Variants in DAPK2 observed in about 807,000 individuals in gnomAD.
The protein encoded by DAPK2 is death-associated protein kinase 2.
A neutral mutation model predicts 44.1 loss-of-function variants in DAPK2; 35 were observed. The observed-to-expected ratio is 0.79, with a 90% confidence interval of 0.61 to 1.05. DAPK2 has a LOEUF of 1.05. DAPK2 is among the 50% of genes least tolerant of loss of function. The probability of loss-of-function intolerance (pLI) is 0.00; values close to 1 mark genes in which losing one functional copy is unlikely to be tolerated. For synonymous variants in DAPK2, 174 were observed against 182.6 expected (o/e 0.95, Z 0.38); for missense variants, 453 against 483.2 (o/e 0.94, Z 0.59).
At chr15:63,926,238 C>G (rs890662963) in intron 6 of DAPK2, 145 bp from the exon 8 acceptor site, 2 of 792,744 alleles carry the variant, frequency 2.5e-6, no homozygotes, top group Non-Finnish European at 4.0e-6. Flanking sequence ...GGCAGCCAAC[C>G]AGCAGCCTGT....
intron 1 of DAPK2, among the ~76,000 whole-genome samples, chr15:64,011,326 G>A (rs2015474): frequency 2.6e-5 from 4 of 152,160 alleles, no homozygotes; most frequent in African/African-American, 4.8e-5. Flanking sequence ...TTAGGAGGCC[G>A]AGGTGGGTGG....
Position 63,908,533 on chromosome 15 carries a change from C to T in DAPK2, c.1100G>A (p.Ser367Asn). Residue 367 changes from serine (S) to asparagine (N), a missense_variant, in exon 11 of 11, where the codon AGC (serine) becomes AAC (asparagine). By Grantham distance (46) the Ser-to-Asn change is conservative (BLOSUM62 1). Coordinates refer to ENST00000261891, the Ensembl canonical transcript of DAPK2. This position sits in a 1 kb window ranked among gnomAD's most constrained non-coding sequence, Gnocchi z 5.7. ...AGGTCAGGCCAGTTAGGAGGTGCTG[C>T]TCCTCCTCCGTGGGTGGAGGGCTTT... The T allele has an allele frequency of 1.3e-6, 2 of 1,596,896 alleles. No homozygotes were observed. Among genetic ancestry groups the T allele is most frequent in the Non-Finnish European group, 1.7e-6 (2 of 1,172,998 alleles).
Position 63,912,981 on chromosome 15 carries a change from C to T in DAPK2, c.859-784G>A, listed in dbSNP as rs2078836365. ...TCAGGGGTTCTGTGAACAAAATGTG[C>T]CTATATATCCATACAAAGGAATATT... On this transcript the variant is annotated intron_variant, in intron 8 of 10. Coordinates refer to ENST00000261891, the Ensembl canonical transcript of DAPK2. The surrounding 1 kb of genome is among the most constrained non-coding windows in gnomAD (Gnocchi z 4.4). Among the ~76,000 whole-genome samples the T allele has an allele frequency of 6.6e-6, 1 of 152,060 alleles. No homozygotes were observed. The highest frequency in any genetic ancestry group is 2.4e-5 in the African/African-American group (1 of 41,394).
chr15:64,015,776 T>G (rs375618534), intron 1 of DAPK2, among the ~76,000 whole-genome samples: 39 of 152,092 alleles, frequency 2.6e-4, no homozygotes, highest in African/African-American at 7.7e-4. Context: ...ATTGGAGTGA[T>G]GTGTCTACAA....
chr15:63,920,099 A>T (rs934587037), intron 8 of DAPK2: 3 of 152,218 alleles, frequency 2.0e-5, no homozygotes, highest in African/African-American at 7.2e-5. Context: ...GGCATCTCCC[A>T]GATGATGGTA....
In DAPK2 at chr15:63,995,104, C is replaced by A. The variant is rs545630802; in HGVS notation, c.93-11350G>T. Among the ~76,000 whole-genome samples, 4 of 152,212 alleles carry A rather than the reference C, an allele frequency of 2.6e-5. No homozygotes were observed. The East Asian group carries it at 7.7e-4, about 29-fold the overall frequency. ...AATTCTCAATTTTGGACATTTATATCATTTTCAATTTTTAATATTATGATA... is the reference window on the plus strand; with the variant it reads ...AATTCTCAATTTTGGACATTTATATAATTTTCAATTTTTAATATTATGATA... On this transcript the variant is annotated intron_variant, in intron 1 of 10. Coordinates refer to ENST00000261891, the Ensembl canonical transcript of DAPK2.
intron 1 of DAPK2, among the ~76,000 whole-genome samples, chr15:64,033,780 C>T (rs866801431): frequency 4.6e-5 from 7 of 151,864 alleles, no homozygotes; most frequent in African/African-American, 1.7e-4. Context: ...TGGTGGCGGG[C>T]GCTTATAGTC....
intron 1 of DAPK2, among the ~76,000 whole-genome samples, chr15:64,017,183 C>A (rs1487305844): frequency 6.6e-6 from 1 of 152,106 alleles, no homozygotes; most frequent in East Asian, 1.9e-4. Flanking sequence ...ACCTCAGTCC[C>A]CTAGGTACCT....
chr15:63,910,154 TG>T (rs1196636461), intron 10 of DAPK2, among the ~76,000 whole-genome samples: 13 of 152,108 alleles, frequency 8.5e-5, no homozygotes, highest in Non-Finnish European at 1.3e-4. Context: ...AGCGGTCCAG[TG>T]CCCTGCATAG....
At chr15:64,024,148 C>G (rs1006553469) in intron 1 of DAPK2, among the ~76,000 whole-genome samples, 5 of 152,178 alleles carry the variant, frequency 3.3e-5, no homozygotes, top group Admixed American at 2.0e-4. Context: ...CCATTTCCTT[C>G]TCTGTGCAGC....
intron 3 of DAPK2, among the ~76,000 whole-genome samples, chr15:63,956,305 T>C (rs2077721396): frequency 6.6e-6 from 1 of 152,170 alleles, no homozygotes; most frequent in South Asian, 2.1e-4. Context: ...TCTGTTCTGA[T>C]CTTTATTATT....
intron 2 of DAPK2, among the ~76,000 whole-genome samples, chr15:63,974,601 G>A (rs1320025878): frequency 6.6e-6 from 1 of 152,170 alleles, no homozygotes; most frequent in Non-Finnish European, 1.5e-5. Context: ...TGTAGATGAA[G>A]TCTCACAGGT....
At chr15:63,927,621 C>A (rs1290095020) in intron 6 of DAPK2, among the ~76,000 whole-genome samples, 1 of 152,200 alleles carries the variant, frequency 6.6e-6, no homozygotes, top group African/African-American at 2.4e-5. Flanking sequence ...GCAGGGAAGA[C>A]CCTCCTTCAT....
chr15:63,983,575 T>A, exon 2 of DAPK2: 1 of 1,614,172 alleles, frequency 6.2e-7, no homozygotes, highest in Non-Finnish European at 8.5e-7. Flanking sequence ...CTCATAGACG[T>A]CGTGCAGCGT....
At chr15:64,032,901 C>A (rs1217243345) in intron 1 of DAPK2, among the ~76,000 whole-genome samples, 3 of 151,848 alleles carry the variant, frequency 2.0e-5, no homozygotes, top group African/African-American at 7.3e-5. Context: ...GCCTGGCCAA[C>A]ATAGTGAAAC....
At chr15:63,968,741 T>C (rs1261002974) in intron 3 of DAPK2, among the ~76,000 whole-genome samples, 1 of 152,226 alleles carries the variant, frequency 6.6e-6, no homozygotes, top group Non-Finnish European at 1.5e-5. Context: ...TGGTACATGG[T>C]AACTCAGCCT....
At chr15:64,001,238 C>T (rs1197880099) in intron 1 of DAPK2, among the ~76,000 whole-genome samples, 1 of 151,588 alleles carries the variant, frequency 6.6e-6, no homozygotes, top group Non-Finnish European at 1.5e-5. Context: ...CTAGTCTGCA[C>T]TGGATTCTGC....
intron 1 of DAPK2, among the ~76,000 whole-genome samples, chr15:64,039,086 T>C (rs2080287967): frequency 6.6e-6 from 1 of 152,254 alleles, no homozygotes; most frequent in Non-Finnish European, 1.5e-5. Flanking sequence ...CATATTTGAT[T>C]GATGTCTCCA....
At chr15:63,958,777 T>C (rs1371515106) in intron 3 of DAPK2, among the ~76,000 whole-genome samples, 2 of 152,246 alleles carry the variant, frequency 1.3e-5, no homozygotes, top group Admixed American at 6.5e-5. Context: ...TAGTTTGAAG[T>C]CAGGTAGCAT....
Sources: gnomAD v4.1 joint callset for allele counts (sites outside exome capture counted in the v4.1 genomes callset) on GRCh38, gnomAD v4.1.1 for gene constraint, Gnocchi (gnomAD v3.1) non-coding constraint, MANE v1.5 for transcripts, NCBI Gene and HGNC (gene_info 2026-07-23, HGNC 2026-07-21) for gene names.